PRR5L: variants seen among roughly 807,000 people sequenced by gnomAD.
PRR5L encodes proline-rich protein 5-like.
PRR5L carries 21 observed loss-of-function variants against 36.4 expected under a neutral mutation model. The ratio of observed to expected loss-of-function variants is 0.58; its 90% confidence interval spans 0.41 to 0.83. The LOEUF is 0.83. PRR5L is among the 40% of genes least tolerant of loss of function. The pLI is 0.00. For synonymous variants in PRR5L, 188 were observed against 197.0 expected, an observed-to-expected ratio of 0.95 and a Z score of 0.38; for missense variants, 381 against 473.3, an observed-to-expected ratio of 0.80 and a Z score of 1.81.
chr11:36,456,981 C>G (rs181206318), intron 8 of PRR5L, among the ~76,000 whole-genome samples: 3 of 152,218 alleles, frequency 2.0e-5, no homozygotes, highest in South Asian at 2.1e-4. Context: ...GGGCAGCCCC[C>G]CTCTGGCTCC....
intron 1 of PRR5L, among the ~76,000 whole-genome samples, chr11:36,336,386 C>T (rs990263513): frequency 6.6e-6 from 1 of 152,046 alleles, no homozygotes; most frequent in Non-Finnish European, 1.5e-5. Context: ...TGCACCATCA[C>T]ACCCGGCTAA....
At chr11:36,367,287 G>C (rs146590020) in intron 1 of PRR5L, among the ~76,000 whole-genome samples, 110 of 152,264 alleles carry the variant, frequency 7.2e-4, no homozygotes, top group African/African-American at 2.6e-3. Context: ...TTATTTATGT[G>C]GGGAAACAAA....
chr11:36,355,783 G>A (rs965073179), intron 1 of PRR5L, among the ~76,000 whole-genome samples: 69 of 151,800 alleles, frequency 4.5e-4, no homozygotes, highest in Middle Eastern at 3.4e-3. Context: ...GTCTGGTCTC[G>A]AACTCCTGAT....
intron 1 of PRR5L, among the ~76,000 whole-genome samples, chr11:36,307,770 T>C (rs1856450487): frequency 6.6e-6 from 1 of 152,226 alleles, no homozygotes; most frequent in African/African-American, 2.4e-5. Flanking sequence ...ATCTCTATTT[T>C]CTCACAGTGC....
rs1237205716 is a variant in PRR5L at position 36,463,982 on chromosome 11, G to A, written c.*1246G>A. On this transcript the variant is annotated 3_prime_UTR_variant, in exon 9 of 9. Coordinates refer to ENST00000530639, the MANE Select transcript of PRR5L (RefSeq NM_001160167.2). Reference sequence around the variant, plus strand: ...CATGCTTTACAGTGCTGGGAGAGAGGGGAGATGTGGGCAGGACCTTTTGGA... The same window carrying A: ...CATGCTTTACAGTGCTGGGAGAGAGAGGAGATGTGGGCAGGACCTTTTGGA... 1 of 152,106 alleles carries A rather than the reference G, an allele frequency of 6.6e-6. No individual in the cohort carries two copies. The highest frequency in any genetic ancestry group is 1.5e-5 in the Non-Finnish European group (1 of 68,024). The allele number at this position is 152,106 out of a possible 1,614,324, so 9.4% of individuals were successfully genotyped here. A position where few individuals can be genotyped will look rare whatever the true frequency, so the allele number is the denominator to read the frequency against.
chr11:36,452,977 C>T (rs1858974501), intron 8 of PRR5L, among the ~76,000 whole-genome samples: 1 of 152,156 alleles, frequency 6.6e-6, no homozygotes, highest in Admixed American at 6.5e-5. Context: ...TCTTCAACAA[C>T]AAAAAATAAA....
chr11:36,409,618 G>A (rs1262171204), intron 3 of PRR5L, among the ~76,000 whole-genome samples: 2 of 152,180 alleles, frequency 1.3e-5, no homozygotes, highest in Admixed American at 6.5e-5. Flanking sequence ...GGGAGGGGAC[G>A]GGAGGAAGGT....
At chr11:36,301,558 G>A (rs1250973379) in intron 1 of PRR5L, among the ~76,000 whole-genome samples, 2 of 152,156 alleles carry the variant, frequency 1.3e-5, no homozygotes, top group Admixed American at 6.5e-5. Context: ...GTCAGTGTGT[G>A]TGTAGGGGGC....
At chr11:36,319,110 G>A (rs1326248080) in intron 1 of PRR5L, among the ~76,000 whole-genome samples, 2 of 152,184 alleles carry the variant, frequency 1.3e-5, no homozygotes, top group Non-Finnish European at 2.9e-5. Flanking sequence ...AGGAAATTTA[G>A]GAGCAGAAGC....
intron 3 of PRR5L, among the ~76,000 whole-genome samples, chr11:36,415,466 A>C (rs1455407219): frequency 6.6e-6 from 1 of 152,246 alleles, no homozygotes; most frequent in African/African-American, 2.4e-5. Flanking sequence ...TCTGTGGGCC[A>C]GGCACAGTGG....
Position 36,437,331 on chromosome 11 carries a change from A to G in PRR5L, c.353-54A>G, listed in dbSNP as rs1023088571. ...CTGTCTTCTGGCCTCTCCTACAAGT[A>G]ATGACGAATTCTTTTCTTTCTTCCT... On this transcript the variant is annotated intron_variant, in intron 5 of 8. Transcript: ENST00000530639. The G allele has an allele frequency of 3.8e-5, 44 of 1,170,362 alleles. No individual in the cohort carries two copies. The Middle Eastern group carries it at 9.6e-4, about 25-fold the overall frequency. The allele number at this position is 1,170,362 out of a possible 1,614,324, so 72.5% of individuals were successfully genotyped here. A position where few individuals can be genotyped will look rare whatever the true frequency, so the allele number is the denominator to read the frequency against.
chr11:36,363,110 A>G (rs1355647419), intron 1 of PRR5L, among the ~76,000 whole-genome samples: 1 of 152,204 alleles, frequency 6.6e-6, no homozygotes, highest in Non-Finnish European at 1.5e-5. Flanking sequence ...CCTTTCCCAG[A>G]CCACAGGCAT....
intron 7 of PRR5L, among the ~76,000 whole-genome samples, chr11:36,448,141 C>A (rs1858871679): frequency 6.6e-6 from 1 of 152,126 alleles, no homozygotes; most frequent in Non-Finnish European, 1.5e-5. Context: ...CTGTGTCTAT[C>A]ACATTCCAAC....
intron 1 of PRR5L, among the ~76,000 whole-genome samples, chr11:36,316,432 C>G (rs1369872431): frequency 6.6e-6 from 1 of 152,152 alleles, no homozygotes; most frequent in Admixed American, 6.5e-5. Flanking sequence ...TATTATTACT[C>G]AAATCAGTCT....
intron 1 of PRR5L, among the ~76,000 whole-genome samples, chr11:36,368,698 C>T (rs889074853): frequency 6.6e-6 from 1 of 152,218 alleles, no homozygotes; most frequent in Middle Eastern, 3.2e-3. Flanking sequence ...ATCCAACTGT[C>T]TTCTATTAAG....
chr11:36,360,705 C>G (rs575609488), intron 1 of PRR5L, among the ~76,000 whole-genome samples: 1 of 152,306 alleles, frequency 6.6e-6, no homozygotes, highest in African/African-American at 2.4e-5. Context: ...ATGATATACA[C>G]CCAGGGGGAA....
chr11:36,374,104 T>TCCTG (rs1491493668), intron 1 of PRR5L, among the ~76,000 whole-genome samples: 2,684 of 101,264 alleles, frequency 0.027, 126 homozygotes, highest in Non-Finnish European at 0.033. Flanking sequence ...CTTCCTTCCT[T>TCCTG]CCTCTCTCTC....
chr11:36,462,787 C>T lies in PRR5L; in HGVS notation c.*51C>T. The stretch of plus-strand genomic sequence containing the variant: ...TCCTGTTTTGCAACCAGGATGAGGA[C>T]CCCTCCATCTCCGTGGATTACTGAG... On this transcript the variant is annotated 3_prime_UTR_variant, in exon 9 of 9. Transcript: ENST00000530639. 2 of 1,481,774 alleles carry T rather than the reference C, an allele frequency of 1.3e-6. No homozygotes were observed. 91.8% of individuals were successfully genotyped at this position (1,481,774 alleles called of 1,614,324 possible).
intron 1 of PRR5L, among the ~76,000 whole-genome samples, chr11:36,331,378 T>C (rs1006976642): frequency 6.6e-6 from 1 of 152,186 alleles, no homozygotes; most frequent in African/African-American, 2.4e-5. Flanking sequence ...TTTGGAAAGT[T>C]GTCAAAAATG....
Sources: allele counts gnomAD v4.1 joint callset (sites outside exome capture counted in the v4.1 genomes callset), GRCh38; gene constraint gnomAD v4.1.1; transcripts MANE v1.5; gene names NCBI Gene and HGNC (gene_info 2026-07-23, HGNC 2026-07-21).